The following PDLIM1 variants were observed in gnomAD, a reference collection of about 807,000 sequenced individuals.
PDLIM1 encodes PDZ and LIM domain 1.
A neutral mutation model predicts 35.2 loss-of-function variants in PDLIM1; 25 were observed. That is an observed-to-expected ratio of 0.71 (90% CI 0.52 to 0.99). The LOEUF is 0.99. Among genes scored for constraint, PDLIM1 ranks in the 50% least tolerant of loss-of-function variants. The pLI is 0.00. For synonymous variants in PDLIM1, 152 were observed against 154.0 expected (o/e 0.99, Z 0.10); for missense variants, 363 against 415.3 (o/e 0.87, Z 1.09).
chr10:95,257,812 G>A (rs1345551442), intron 4 of PDLIM1, among the ~76,000 whole-genome samples: 2 of 152,264 alleles, frequency 1.3e-5, no homozygotes, highest in South Asian at 4.2e-4. Flanking sequence ...CAAAAGAAAT[G>A]AAGAAGGATC....
At chr10:95,256,975 A>T (rs4918906) in intron 4 of PDLIM1, among the ~76,000 whole-genome samples, 3,928 of 100,530 alleles carry the variant, frequency 0.039, 329 homozygotes, top group African/African-American at 0.07. Flanking sequence ...ACTTCATCTT[A>T]AAAAAAAAAA....
chr10:95,285,773 C>G (rs2035596871), intron 1 of PDLIM1, among the ~76,000 whole-genome samples: 1 of 152,204 alleles, frequency 6.6e-6, no homozygotes, highest in Admixed American at 6.5e-5. Flanking sequence ...GTTCCCTCAT[C>G]TGTAAAATGG....
intron 3 of PDLIM1, among the ~76,000 whole-genome samples, chr10:95,265,984 A>G (rs34409900): frequency 0.088 from 13,364 of 152,006 alleles, 695 homozygotes; most frequent in Middle Eastern, 0.17. Context: ...GGATCACCTG[A>G]GTTCAGGAAT....
chr10:95,255,651 TATGAA>T (rs1184601718), intron 4 of PDLIM1, among the ~76,000 whole-genome samples: 1 of 152,096 alleles, frequency 6.6e-6, no homozygotes, highest in Non-Finnish European at 1.5e-5. Flanking sequence ...AAAGTCCATG[TATGAA>T]AAACCCACAG....
chr10:95,265,593 CAAAAAAAAAAAAA>C (rs56893525), intron 3 of PDLIM1, among the ~76,000 whole-genome samples: 7 of 84,000 alleles, frequency 8.3e-5, no homozygotes, highest in East Asian at 6.8e-4. Flanking sequence ...GGAACTCTGT[CAAAAAAAAAAAAA>C]AAAAAAAAAA....
intron 4 of PDLIM1, among the ~76,000 whole-genome samples, chr10:95,248,322 G>A (rs1383435386): frequency 6.6e-6 from 1 of 152,220 alleles, no homozygotes; most frequent in Non-Finnish European, 1.5e-5. Context: ...ACAGGTAACT[G>A]TAACCTCGAA....
intron 2 of PDLIM1, among the ~76,000 whole-genome samples, chr10:95,270,393 T>C (rs1336337140): frequency 6.6e-6 from 1 of 150,786 alleles, no homozygotes; most frequent in Non-Finnish European, 1.5e-5. Flanking sequence ...AAAGGCTCCA[T>C]GACAAAGAGC....
At chr10:95,288,922 C>G (rs913147021) in intron 1 of PDLIM1, among the ~76,000 whole-genome samples, 1 of 152,124 alleles carries the variant, frequency 6.6e-6, no homozygotes, top group African/African-American at 2.4e-5. Context: ...GAATATGATA[C>G]GTGCTCATTA....
rs569563788 is a variant in PDLIM1, at chr10:95,268,688, G to A, written c.333+90C>T. Reference sequence around the variant, plus strand: ...GAAGGGTCTTATCCCCAGGCCTCCAGGGCAGGAAAAACAGGAATGTGCTGA... The same window carrying A: ...GAAGGGTCTTATCCCCAGGCCTCCAAGGCAGGAAAAACAGGAATGTGCTGA... On this transcript the variant is annotated intron_variant, in intron 3 of 6. Coordinates refer to ENST00000329399, the MANE Select transcript of PDLIM1 (RefSeq NM_020992.4). 9 of 845,498 alleles carry A rather than the reference G, an allele frequency of 1.1e-5. No homozygotes were observed. The East Asian group carries it at 1.7e-4, about 16-fold the overall frequency. 52.4% of individuals were successfully genotyped at this position (845,498 alleles called of 1,614,324 possible). A position where few individuals can be genotyped will look rare whatever the true frequency, so the allele number is the denominator to read the frequency against.
intron 5 of PDLIM1, among the ~76,000 whole-genome samples, chr10:95,243,009 T>C (rs1381201344): frequency 6.6e-6 from 1 of 151,990 alleles, no homozygotes; most frequent in African/African-American, 2.4e-5. Flanking sequence ...ACTCAATCCA[T>C]AGAAAAATCA....
intron 5 of PDLIM1, among the ~76,000 whole-genome samples, chr10:95,239,597 AATAGCCTGGCCAAC>A (rs2133406895): frequency 6.6e-6 from 1 of 152,336 alleles, no homozygotes; most frequent in East Asian, 1.9e-4. Flanking sequence ...GGAATTTGAG[AATAGCCTGGCCAAC>A]ATAGCCAAAC....
intron 1 of PDLIM1, among the ~76,000 whole-genome samples, chr10:95,281,086 T>C (rs150770928): frequency 1.3e-5 from 2 of 152,308 alleles, no homozygotes; most frequent in African/African-American, 4.8e-5. Context: ...ACTATGACTA[T>C]CTTTTCCCCT....
chr10:95,272,514 A>C (rs796249716), intron 1 of PDLIM1, among the ~76,000 whole-genome samples: 65 of 152,174 alleles, frequency 4.3e-4, no homozygotes, highest in African/African-American at 1.5e-3. Context: ...CCTGTCTCTA[A>C]CAAAAATACA....
rs930216511 is a variant in PDLIM1 at position 95,244,172 on chromosome 10, G to C, written c.685+3043C>G. On this transcript the variant is annotated intron_variant, in intron 5 of 6. Coordinates refer to ENST00000329399, the MANE Select transcript of PDLIM1 (RefSeq NM_020992.4). ...CTTCTGCCTGCAAGTTTTGGAATTT[G>C]ATCCAGAACAAGATGAAGGTGAGGA... Among the ~76,000 whole-genome samples the C allele has an allele frequency of 3.3e-5, 5 of 152,058 alleles. No homozygotes were observed. The East Asian group carries it at 5.8e-4, about 18-fold the overall frequency.
At chr10:95,279,487 G>A (rs934022167) in intron 1 of PDLIM1, among the ~76,000 whole-genome samples, 2 of 152,132 alleles carry the variant, frequency 1.3e-5, no homozygotes, top group African/African-American at 2.4e-5. Context: ...TACTGGGTGA[G>A]GCAATTCAAA....
At chr10:95,266,703 A>G (rs139970354) in intron 3 of PDLIM1, among the ~76,000 whole-genome samples, 1 of 152,302 alleles carries the variant, frequency 6.6e-6, no homozygotes, top group African/African-American at 2.4e-5. Context: ...AATGGAAGTC[A>G]ATGGAAAATT....
chr10:95,290,980 G>A lies in PDLIM1; in HGVS notation c.-65C>T. 1 of 975,060 alleles carries A rather than the reference G, an allele frequency of 1.0e-6. No individual in the cohort carries two copies. The highest frequency in any genetic ancestry group is 1.5e-6 in the Non-Finnish European group (1 of 682,524). 60.4% of individuals were successfully genotyped at this position (975,060 alleles called of 1,614,324 possible). On this transcript the variant is annotated 5_prime_UTR_variant, in exon 1 of 7. Coordinates refer to ENST00000329399, the MANE Select transcript of PDLIM1 (RefSeq NM_020992.4). The surrounding 1 kb of genome is among the most constrained non-coding windows in gnomAD (Gnocchi z 4.7). ...GGCAGGACGCGCGGAACAGCTTGCA[G>A]GGCACCCCCGGCGGCTGTCGGAGAA... is the stretch of plus-strand genomic sequence containing the variant.
In PDLIM1 at chr10:95,238,093, C is replaced by T. The variant is rs1288507212; in HGVS notation, c.822G>A (p.Leu274=). Residue 274 remains leucine, a synonymous_variant, in exon 7 of 7, where the codon CTG becomes CTA. Transcript: ENST00000329399. ...GTGIVGVFVK[L]RDRHRHPECY... ...ACTCAGGGTGGCGGTGACGGTCCCG[C>T]AGCTTCACAAACACACCACTACAGA... 3 of 1,613,792 alleles carry T rather than the reference C, an allele frequency of 1.9e-6. No individual in the cohort carries two copies. In the African/African-American group the frequency reaches 4.0e-5, roughly 22 times the overall value.
intron 4 of PDLIM1, among the ~76,000 whole-genome samples, chr10:95,262,464 A>G (rs1266935925): frequency 2.6e-5 from 4 of 152,202 alleles, no homozygotes; most frequent in South Asian, 2.1e-4. Context: ...GAGATTTCCG[A>G]AAAAAAGAGG....
Sources: allele counts gnomAD v4.1 joint callset (sites outside exome capture counted in the v4.1 genomes callset), GRCh38; gene constraint gnomAD v4.1.1; non-coding constraint Gnocchi (gnomAD v3.1); transcripts MANE v1.5; gene names NCBI Gene and HGNC (gene_info 2026-07-23, HGNC 2026-07-21).